The following CCDC92B variants were observed in gnomAD, a reference collection of about 807,000 sequenced individuals.
CCDC92B encodes coiled-coil domain-containing 92B.
Under a neutral mutation model 5.6 loss-of-function variants are expected in CCDC92B, and 2 were observed. The observed-to-expected ratio is 0.36, with a 90% CI of 0.15 to 1.12. CCDC92B has a LOEUF of 1.12. Ranked by LOEUF, CCDC92B falls within the 50% of genes most tolerant of loss-of-function variation. CCDC92B has a pLI of 0.40. For missense variants in CCDC92B, 271 were observed against 262.2 expected (o/e 1.03, Z -0.23); for synonymous variants, 115 against 122.3 (o/e 0.94, Z 0.39).
intron 1 of CCDC92B, among the ~76,000 whole-genome samples, chr17:2,745,045 A>G (rs2070969285): frequency 7.2e-6 from 1 of 139,294 alleles, no homozygotes; most frequent in Non-Finnish European, 1.5e-5. Flanking sequence ...AGCTTGGGTG[A>G]CAGACAGTGA....
At chr17:2,734,562 T>C (rs2070836868) in intron 2 of CCDC92B, among the ~76,000 whole-genome samples, 1 of 151,188 alleles carries the variant, frequency 6.6e-6, no homozygotes, top group Admixed American at 6.6e-5. Context: ...TGATCTCAGC[T>C]CACTGCAACC....
chr17:2,723,948 G>C lies in CCDC92B; in HGVS notation c.*463C>G. ...CTCCTGGGGAGGAAGAAGGCTTGGCGGGAAGGGCGTCGGCGCGGGGGTGGG... is the reference window on the plus strand; with the variant it reads ...CTCCTGGGGAGGAAGAAGGCTTGGCCGGAAGGGCGTCGGCGCGGGGGTGGG... On this transcript the variant is annotated 3_prime_UTR_variant, in exon 4 of 4. Coordinates refer to ENST00000614400, the MANE Select transcript of CCDC92B (RefSeq NM_001355573.2). 1 of 983,202 alleles carries C rather than the reference G, an allele frequency of 1.0e-6. No individual in the cohort carries two copies. The highest frequency in any genetic ancestry group is 1.2e-6 in the Non-Finnish European group (1 of 828,530). The allele number at this position is 983,202 out of a possible 1,614,324, so 60.9% of individuals were successfully genotyped here.
At chr17:2,725,396 A>C (rs2151736437) in intron 3 of CCDC92B, among the ~76,000 whole-genome samples, 1 of 151,808 alleles carries the variant, frequency 6.6e-6, no homozygotes, top group East Asian at 2.0e-4. Context: ...AAGCAAAAAC[A>C]AAAAAACAAA....
At chr17:2,736,509 G>A (rs1424795034) in intron 1 of CCDC92B, among the ~76,000 whole-genome samples, 3 of 152,054 alleles carry the variant, frequency 2.0e-5, no homozygotes, top group Non-Finnish European at 4.4e-5. Context: ...CACTCTGAGA[G>A]GCTGACGTGG....
chr17:2,732,675 C>T (rs2151740194), intron 2 of CCDC92B, among the ~76,000 whole-genome samples: 1 of 151,572 alleles, frequency 6.6e-6, no homozygotes, highest in African/African-American at 2.4e-5. Context: ...TGAGATCGTG[C>T]CACTGTACTC....
At chr17:2,733,886 G>A (rs541154676) in intron 2 of CCDC92B, among the ~76,000 whole-genome samples, 66 of 149,730 alleles carry the variant, frequency 4.4e-4, no homozygotes, top group African/African-American at 1.5e-3. Context: ...AGCCTTCCGA[G>A]TAGCTGGGAT....
In CCDC92B at chr17:2,723,843, A is replaced by G. The variant is rs1185365709; in HGVS notation, c.*568T>C. ...GGGGCTCTGGGAGGACGTGTCTTCTAAAGTGTTCCGTGCTCACCTGCAAGG... is the reference window on the plus strand; with the variant it reads ...GGGGCTCTGGGAGGACGTGTCTTCTGAAGTGTTCCGTGCTCACCTGCAAGG... On this transcript the variant is annotated 3_prime_UTR_variant, in exon 4 of 4. Coordinates refer to ENST00000614400, the MANE Select transcript of CCDC92B (RefSeq NM_001355573.2). The G allele has an allele frequency of 7.3e-6, 4 of 545,428 alleles. No individual in the cohort carries two copies. The highest frequency in any genetic ancestry group is 1.5e-4 in the East Asian group (1 of 6,832). 33.8% of individuals were successfully genotyped at this position (545,428 alleles called of 1,614,324 possible).
In CCDC92B at chr17:2,748,888, C is replaced by G. The variant is rs560710543; in HGVS notation, c.-24+523G>C. On this transcript the variant is annotated intron_variant, in intron 1 of 3. Transcript: ENST00000614400. ...TTGTGGTCCTCTCCACTCCGGAGCC[C>G]CTCCCCGCCGAACCCCTCAACTCTG... Among the ~76,000 whole-genome samples the G allele has an allele frequency of 1.1e-4, 16 of 152,232 alleles. No homozygotes were observed. In the South Asian group the frequency reaches 3.1e-3, roughly 30 times the overall value.
At chr17:2,742,136 AT>A (rs1350824690) in intron 1 of CCDC92B, among the ~76,000 whole-genome samples, 1 of 150,582 alleles carries the variant, frequency 6.6e-6, no homozygotes, top group Non-Finnish European at 1.5e-5. Context: ...CAGTGGTGTA[AT>A]GATGGCTCAT....
chr17:2,725,976 ATT>A (rs1364532658), intron 3 of CCDC92B, among the ~76,000 whole-genome samples: 1 of 137,792 alleles, frequency 7.3e-6, no homozygotes, highest in Non-Finnish European at 1.6e-5. Context: ...TCCATAGGGC[ATT>A]TTATCACGTC....
intron 1 of CCDC92B, chr17:2,748,470 C>G (rs1316483583): frequency 1.1e-6 from 1 of 950,424 alleles, no homozygotes; most frequent in Non-Finnish European, 1.3e-6. Flanking sequence ...CTGCACGCAC[C>G]TGGCTTCCGT....
rs1019584223 is a variant in CCDC92B, at chr17:2,739,345, G to A, written c.-23-4177C>T. 4.7e-5 allele frequency among the ~76,000 whole-genome samples: 7 copies of A among 148,052 alleles called. 1 individual carries two copies. The highest frequency in any genetic ancestry group is 1.3e-4 in the African/African-American group (5 of 39,802). ...TCGCGCCATTGCACTCCAGCCTGGC[G>A]ACAGAGCGAGACTCCATCTCAAAAT... On this transcript the variant is annotated intron_variant, in intron 1 of 3. Coordinates refer to ENST00000614400, the MANE Select transcript of CCDC92B (RefSeq NM_001355573.2).
chr17:2,721,104 G>GA lies in CCDC92B; in HGVS notation c.*3306dup, dbSNP rs1214885974. ...CCTCCTTCCTCTCTCCACCAGGGGG[G>GA]ACGCCATCCTACTGCTTATATGGGG... is the stretch of plus-strand genomic sequence containing the variant. On this transcript the variant is annotated 3_prime_UTR_variant, in exon 4 of 4. Coordinates refer to ENST00000614400, the MANE Select transcript of CCDC92B (RefSeq NM_001355573.2). 1 of 152,318 alleles carries GA rather than the reference G, an allele frequency of 6.6e-6. No homozygotes were observed. Among genetic ancestry groups the GA allele is most frequent in the African/African-American group, 2.4e-5 (1 of 41,438 alleles). 9.4% of individuals were successfully genotyped at this position (152,318 alleles called of 1,614,324 possible).
rs1037965617 is a variant in CCDC92B, at chr17:2,724,221, G to A, written c.*190C>T. ...GAACTCTCGCGCGAGGAGAGGGCTC[G>A]AAGCTTTGGAAACGTCGGGAAGTAC... On this transcript the variant is annotated 3_prime_UTR_variant, in exon 4 of 4. Coordinates refer to ENST00000614400, the MANE Select transcript of CCDC92B (RefSeq NM_001355573.2). This position sits in a 1 kb window ranked among gnomAD's most constrained non-coding sequence, Gnocchi z 5.0. 3.2e-5 allele frequency: 32 copies of A among 985,234 alleles called. No homozygotes were observed. In the African/African-American group the frequency reaches 5.4e-4, roughly 17 times the overall value. The allele number at this position is 985,234 out of a possible 1,614,324, so 61.0% of individuals were successfully genotyped here.
rs1177614259 is a variant in CCDC92B at position 2,723,942 on chromosome 17, C to A, written c.*469G>T. 2 of 937,284 alleles carry A rather than the reference C, an allele frequency of 2.1e-6. No homozygotes were observed. Among genetic ancestry groups the A allele is most frequent in the Admixed American group, 1.1e-4 (1 of 9,000 alleles). The allele number at this position is 937,284 out of a possible 1,614,324, so 58.1% of individuals were successfully genotyped here. On this transcript the variant is annotated 3_prime_UTR_variant, in exon 4 of 4. Coordinates refer to ENST00000614400, the MANE Select transcript of CCDC92B (RefSeq NM_001355573.2). ...GGGCCTCTCCTGGGGAGGAAGAAGG[C>A]TTGGCGGGAAGGGCGTCGGCGCGGG...
intron 3 of CCDC92B, among the ~76,000 whole-genome samples, chr17:2,729,225 T>C (rs1347882545): frequency 1.3e-5 from 2 of 152,264 alleles, no homozygotes; most frequent in Admixed American, 1.3e-4. Context: ...ACTCGGTGGC[T>C]CACACCTGTA....
chr17:2,726,242 A>G (rs1012935585), intron 3 of CCDC92B, among the ~76,000 whole-genome samples: 22 of 150,858 alleles, frequency 1.5e-4, no homozygotes, highest in African/African-American at 4.4e-4. Flanking sequence ...CAGTGGCGCA[A>G]TCTTGGCTCA....
chr17:2,724,411 C>T lies in CCDC92B; in HGVS notation c.768G>A (p.Ter256=). Residue 256 remains the stop codon, a stop_retained_variant, in exon 4 of 4, where the codon TAG becomes TAA. Transcript: ENST00000614400. The surrounding 1 kb of genome is among the most constrained non-coding windows in gnomAD (Gnocchi z 5.0). ...SQPSAPGDPE[*] is the part of the protein sequence containing the mutation. ...CGCGTCACCCCGGCCAGCCTGGCGC[C>T]TACTCCGGGTCCCCGGGCGCGCTGG... The T allele has an allele frequency of 1.0e-6, 1 of 984,892 alleles. No homozygotes were observed. Among genetic ancestry groups the T allele is most frequent in the East Asian group, 1.1e-4 (1 of 8,766 alleles). The allele number at this position is 984,892 out of a possible 1,614,324, so 61.0% of individuals were successfully genotyped here.
chr17:2,731,160 G>A (rs866129372), intron 2 of CCDC92B, among the ~76,000 whole-genome samples: 2 of 152,192 alleles, frequency 1.3e-5, no homozygotes, highest in East Asian at 3.9e-4. Context: ...TGGCACTGAG[G>A]GGGTGGAGCG....
Sources: gnomAD v4.1 joint callset for allele counts (sites outside exome capture counted in the v4.1 genomes callset) on GRCh38, gnomAD v4.1.1 for gene constraint, Gnocchi (gnomAD v3.1) non-coding constraint, MANE v1.5 for transcripts, NCBI Gene and HGNC (gene_info 2026-07-23, HGNC 2026-07-21) for gene names.